KDM4C: variants seen among roughly 807,000 people sequenced by gnomAD.
KDM4C encodes the protein lysine demethylase 4C.
KDM4C carries 81 observed loss-of-function variants against 129.3 expected under a neutral mutation model. The ratio of observed to expected loss-of-function variants is 0.63; its 90% CI spans 0.52 to 0.75. KDM4C has a LOEUF of 0.75. Among genes scored for constraint, KDM4C ranks in the 30% least tolerant of loss-of-function variants. The probability of loss-of-function intolerance (pLI) is 0.00; values close to 1 mark genes in which losing one functional copy is unlikely to be tolerated. For missense variants in KDM4C, 1,457 were observed against 1,304.0 expected, an observed-to-expected ratio of 1.12 and a Z score of -1.81; for synonymous variants, 573 against 456.1, an observed-to-expected ratio of 1.26 and a Z score of -3.26.
intron 4 of KDM4C, among the ~76,000 whole-genome samples, chr9:6,822,659 G>A (rs1833226854): frequency 6.6e-6 from 1 of 152,162 alleles, no homozygotes; most frequent in Admixed American, 6.5e-5. Context: ...TTGTTAACAA[G>A]CCTTTACATT....
intron 15 of KDM4C, among the ~76,000 whole-genome samples, chr9:7,036,819 T>TG (rs995641768): frequency 2.0e-5 from 3 of 152,218 alleles, no homozygotes; most frequent in African/African-American, 7.2e-5. Flanking sequence ...TCATTCACTG[T>TG]GTTGCTCAGG....
chr9:6,928,848 C>G (rs1823120980), intron 8 of KDM4C, among the ~76,000 whole-genome samples: 1 of 152,144 alleles, frequency 6.6e-6, no homozygotes. Context: ...CTGAGGTTTC[C>G]CTATGGAAGT....
intron 8 of KDM4C, among the ~76,000 whole-genome samples, chr9:6,970,506 G>A (rs1210451980): frequency 6.6e-6 from 1 of 152,136 alleles, no homozygotes; most frequent in Non-Finnish European, 1.5e-5. Flanking sequence ...TTAAAGTGCT[G>A]GACTTCCTGT....
In KDM4C at chr9:6,849,537, A is replaced by C; in HGVS notation, c.466A>C (p.Asn156His). The C allele has an allele frequency of 1.9e-6, 3 of 1,608,256 alleles. No homozygotes were observed. Among genetic ancestry groups the C allele is most frequent in the Non-Finnish European group, 2.6e-6 (3 of 1,175,686 alleles). Reference sequence around the variant, plus strand: ...GGATGAATGGAACATAGCTCGCCTCAATACAGTCTTGGATGTGGTTGAAGA... The same window carrying C: ...GGATGAATGGAACATAGCTCGCCTCCATACAGTCTTGGATGTGGTTGAAGA... ...GVDEWNIARL[N>H]TVLDVVEEEC... Residue 156 changes from asparagine to histidine, a missense_variant, in exon 5 of 22, where the codon AAT (asparagine) becomes CAT (histidine). Coordinates refer to ENST00000381309, the MANE Select transcript of KDM4C (RefSeq NM_015061.6).
At chr9:6,819,019 A>T (rs554959577) in intron 4 of KDM4C, 1 of 152,374 alleles carries the variant, frequency 6.6e-6, no homozygotes, top group Non-Finnish European at 1.5e-5. Context: ...TGGGTCATCC[A>T]GATCCTGGCC....
At chr9:7,010,623 C>G (rs1335250693) in intron 12 of KDM4C, among the ~76,000 whole-genome samples, 1 of 152,206 alleles carries the variant, frequency 6.6e-6, no homozygotes, top group Admixed American at 6.5e-5. Context: ...TTTATTCTGG[C>G]CACTTGCTCT....
intron 1 of KDM4C, among the ~76,000 whole-genome samples, chr9:6,746,262 G>GTTTTTT (rs778939269): frequency 3.3e-5 from 2 of 61,192 alleles, no homozygotes; most frequent in Non-Finnish European, 5.7e-5. Context: ...ATATATATAT[G>GTTTTTT]TTTTTTTTTT....
intron 8 of KDM4C, among the ~76,000 whole-genome samples, chr9:6,928,059 T>A (rs991242163): frequency 6.6e-6 from 1 of 152,206 alleles, no homozygotes; most frequent in Non-Finnish European, 1.5e-5. Flanking sequence ...TCTCACCACT[T>A]ATTCCTTTTT....
intron 19 of KDM4C, among the ~76,000 whole-genome samples, chr9:7,148,340 G>A (rs78184482): frequency 0.021 from 3,255 of 152,316 alleles, 79 homozygotes; most frequent in East Asian, 0.12. Flanking sequence ...GGGGGGCCAT[G>A]TTTCAGCCCA....
chr9:6,837,169 C>T (rs1360850906), intron 4 of KDM4C, among the ~76,000 whole-genome samples: 1 of 152,108 alleles, frequency 6.6e-6, no homozygotes, highest in East Asian at 1.9e-4. Context: ...GTGATCGTCC[C>T]ACCTCAGCCT....
At chr9:6,968,579 AAGT>A (rs1399253326) in intron 8 of KDM4C, among the ~76,000 whole-genome samples, 1 of 152,176 alleles carries the variant, frequency 6.6e-6, no homozygotes, top group Non-Finnish European at 1.5e-5. Context: ...GTAAAAGAAA[AAGT>A]AGTTGAATTC....
intron 1 of KDM4C, among the ~76,000 whole-genome samples, chr9:6,786,154 G>T (rs866778644): frequency 6.6e-6 from 1 of 152,238 alleles, no homozygotes; most frequent in African/African-American, 2.4e-5. Flanking sequence ...AGAAACACAG[G>T]TGTAGACAGG....
At chr9:6,943,002 A>G (rs1348882749) in intron 8 of KDM4C, among the ~76,000 whole-genome samples, 2 of 152,018 alleles carry the variant, frequency 1.3e-5, no homozygotes, top group Admixed American at 6.6e-5. Flanking sequence ...AGTAGCTACG[A>G]CTACAGCCAT....
chr9:7,074,835 AC>A (rs1351608804), intron 17 of KDM4C, among the ~76,000 whole-genome samples: 1 of 152,150 alleles, frequency 6.6e-6, no homozygotes, highest in Non-Finnish European at 1.5e-5. Flanking sequence ...ACATGCTGAT[AC>A]GTTTTTATTT....
At chr9:7,070,432 A>C (rs1833035053) in intron 17 of KDM4C, among the ~76,000 whole-genome samples, 1 of 152,184 alleles carries the variant, frequency 6.6e-6, no homozygotes, top group Admixed American at 6.5e-5. Flanking sequence ...TGCAAAGGAA[A>C]ACTGTAGACC....
intron 17 of KDM4C, among the ~76,000 whole-genome samples, chr9:7,064,125 C>G (rs573407861): frequency 6.6e-6 from 1 of 152,146 alleles, no homozygotes; most frequent in Non-Finnish European, 1.5e-5. Flanking sequence ...ACTTTAGATA[C>G]AACTATAGTT....
At chr9:7,036,621 G>C (rs1227843532) in intron 15 of KDM4C, among the ~76,000 whole-genome samples, 3 of 152,092 alleles carry the variant, frequency 2.0e-5, no homozygotes, top group African/African-American at 4.8e-5. Context: ...AAGTTTACTT[G>C]GTTAGTGTTG....
intron 4 of KDM4C, among the ~76,000 whole-genome samples, chr9:6,829,840 T>C (rs970444250): frequency 6.6e-6 from 1 of 152,226 alleles, no homozygotes; most frequent in African/African-American, 2.4e-5. Flanking sequence ...AGTTCCTGCT[T>C]TGGGCCTGCT....
At chr9:6,775,342 T>C (rs1822786606) in intron 1 of KDM4C, among the ~76,000 whole-genome samples, 2 of 151,820 alleles carry the variant, frequency 1.3e-5, no homozygotes, top group Admixed American at 6.6e-5. Flanking sequence ...TGGGAGTAGC[T>C]ATGATTTGTT....
Sources: gnomAD v4.1 joint callset for allele counts (sites outside exome capture counted in the v4.1 genomes callset) on GRCh38, gnomAD v4.1.1 for gene constraint, MANE v1.5 for transcripts, NCBI Gene and HGNC (gene_info 2026-07-23, HGNC 2026-07-21) for gene names.